Variants in NSUN4 observed in about 807,000 individuals in gnomAD.
NSUN4 encodes the protein 5-cytosine rRNA methyltransferase NSUN4.
NSUN4 carries 31 observed loss-of-function variants against 43.8 expected under a neutral mutation model. The ratio of observed to expected loss-of-function variants is 0.71; its 90% CI spans 0.53 to 0.96. The LOEUF is 0.96. NSUN4 is among the 40% of genes least tolerant of loss of function. NSUN4 has a pLI of 0.00. For synonymous variants in NSUN4, 167 were observed against 184.1 expected, an observed-to-expected ratio of 0.91 and a Z score of 0.75; for missense variants, 439 against 475.6, an observed-to-expected ratio of 0.92 and a Z score of 0.72.
At chr1:46,342,552 A>C (rs56909107) in intron 1 of NSUN4, 94,508 of 399,104 alleles carry the variant, frequency 0.24, 12,692 homozygotes, top group Non-Finnish European at 0.29. Context: ...CTGGGAGGCA[A>C]CTGGGAACTC....
downstream of NSUN4, among the ~76,000 whole-genome samples, chr1:46,365,521 T>C (rs1054894398): frequency 2.0e-5 from 3 of 152,070 alleles, no homozygotes; most frequent in Admixed American, 2.0e-4. Context: ...TTTGTATTTT[T>C]AGTAGAAACG....
At chr1:46,370,101 T>C (rs1386154606), downstream of NSUN4, among the ~76,000 whole-genome samples, 1 of 151,994 alleles carries the variant, frequency 6.6e-6, no homozygotes, top group African/African-American at 2.4e-5. Flanking sequence ...CTGAAGAGGG[T>C]GACTGGGATG....
the NSUN4 span, among the ~76,000 whole-genome samples, chr1:46,384,710 G>C: frequency 6.6e-6 from 1 of 152,074 alleles, no homozygotes; most frequent in Admixed American, 6.6e-5. Context: ...AATGGCACTT[G>C]CTTGACTCAG....
the NSUN4 span, among the ~76,000 whole-genome samples, chr1:46,374,566 G>A: frequency 0.045 from 6,900 of 152,006 alleles, 535 homozygotes; most frequent in African/African-American, 0.16. Context: ...CTGAGAGGGC[G>A]CCACTGCACT....
intron 3 of NSUN4, among the ~76,000 whole-genome samples, chr1:46,348,455 A>G (rs1240963141): frequency 3.9e-5 from 6 of 152,026 alleles, no homozygotes; most frequent in Non-Finnish European, 1.5e-5. Flanking sequence ...GCTCACGCCT[A>G]TAATTCCAGC....
chr1:46,341,869 C>T lies in NSUN4; in HGVS notation c.93+950C>T, dbSNP rs1662135530. The stretch of plus-strand genomic sequence containing the variant: ...ATGCGGCGTCCCTGTCTTCAAGGCA[C>T]GTACTGTGACCAGCACACTAATCTC... On this transcript the variant is annotated intron_variant, in intron 1 of 5. Transcript: ENST00000474844. The T allele has an allele frequency of 5.7e-6, 7 of 1,232,798 alleles. 1 individual carries two copies. The highest frequency in any genetic ancestry group is 8.2e-5 in the South Asian group (2 of 24,334). 76.4% of individuals were successfully genotyped at this position (1,232,798 alleles called of 1,614,324 possible).
At chr1:46,366,830 A>G (rs1016606242), downstream of NSUN4, among the ~76,000 whole-genome samples, 3 of 151,674 alleles carry the variant, frequency 2.0e-5, no homozygotes, top group African/African-American at 7.3e-5. Context: ...GTATTGCCTC[A>G]GTCTTGTTCA....
chr1:46,359,761 C>T (rs56063031), intron 4 of NSUN4, among the ~76,000 whole-genome samples: 34,124 of 151,814 alleles, frequency 0.22, 4,297 homozygotes, highest in Non-Finnish European at 0.29. Context: ...CATGCCACCA[C>T]GCCCGGCTAA....
chr1:46,341,215 C>A lies in NSUN4; in HGVS notation c.93+296C>A, dbSNP rs559362896. ...GTCTCTTGTTCCCCAGCTGTGTCCA[C>A]CTACCTTTCTGTCCCCCACTCCCCC... On this transcript the variant is annotated intron_variant, in intron 1 of 5. Transcript: ENST00000474844. The A allele has an allele frequency of 7.0e-6, 8 of 1,141,330 alleles. No homozygotes were observed. In the East Asian group the frequency reaches 3.0e-4, roughly 43 times the overall value. The allele number at this position is 1,141,330 out of a possible 1,614,324, so 70.7% of individuals were successfully genotyped here. A position where few individuals can be genotyped will look rare whatever the true frequency, so the allele number is the denominator to read the frequency against.
intron 3 of NSUN4, among the ~76,000 whole-genome samples, chr1:46,349,147 T>G (rs1200862224): frequency 1.5e-5 from 2 of 135,596 alleles, no homozygotes; most frequent in Non-Finnish European, 3.4e-5. Context: ...TTTTTTTGTT[T>G]TTTTTTTTTT....
At chr1:46,375,178 G>A in the NSUN4 span, among the ~76,000 whole-genome samples, 3 of 152,120 alleles carry the variant, frequency 2.0e-5, no homozygotes, top group Non-Finnish European at 4.4e-5. Flanking sequence ...GCTCATGCCC[G>A]TAATCCCAAC....
intron 2 of NSUN4, among the ~76,000 whole-genome samples, chr1:46,346,142 C>A (rs1413642204): frequency 1.5e-5 from 2 of 130,170 alleles, no homozygotes; most frequent in Non-Finnish European, 1.6e-5. Flanking sequence ...CAGAGCGAGA[C>A]TCTGTCTCAA....
At chr1:46,341,436 G>C (rs1662096666) in intron 1 of NSUN4, 1 of 1,008,602 alleles carries the variant, frequency 9.9e-7, no homozygotes, top group Non-Finnish European at 1.2e-6. Flanking sequence ...GCTGCCTCTG[G>C]CGACCGGGCA....
At chr1:46,358,419 T>TTTG (rs1663552430) in intron 4 of NSUN4, among the ~76,000 whole-genome samples, 2 of 110,306 alleles carry the variant, frequency 1.8e-5, no homozygotes, top group Non-Finnish European at 1.9e-5. Flanking sequence ...TTTTTTTTTT[T>TTTG]TGAGATGGAG....
chr1:46,341,182 A>ATGTCAC, intron 1 of NSUN4: 1 of 1,236,030 alleles, frequency 8.1e-7, no homozygotes, highest in Non-Finnish European at 1.0e-6. Context: ...TCTTTTAGTG[A>ATGTCAC]TGTCACTGTC....
At chr1:46,379,830 A>G in the NSUN4 span, among the ~76,000 whole-genome samples, 1 of 152,240 alleles carries the variant, frequency 6.6e-6, no homozygotes, top group Non-Finnish European at 1.5e-5. Flanking sequence ...AGAAGGGAAA[A>G]GGGGCTGTGA....
At position 46,361,632 on chromosome 1, in the gene NSUN4, A is replaced by T; in HGVS notation, c.941A>T (p.His314Leu). The change falls in exon 6 of 6, where the codon CAC becomes CTC. Residue 314 changes from histidine to leucine, a missense_variant. By Grantham distance (99) the His-to-Leu change is moderately conservative. Transcript: ENST00000474844. Reference protein sequence around the residue: ...HVVYSTCSLSHLQNEYVVQGA... With the variant: ...HVVYSTCSLSLLQNEYVVQGA... ...GTCTATTCTACCTGCTCACTCTCAC[A>T]CTTACAGAACGAGTATGTGGTGCAA... is the stretch of plus-strand genomic sequence containing the variant. The T allele has an allele frequency of 6.2e-7, 1 of 1,614,098 alleles. No individual in the cohort carries two copies. The highest frequency in any genetic ancestry group is 8.5e-7 in the Non-Finnish European group (1 of 1,180,002).
At chr1:46,377,949 T>C in the NSUN4 span, among the ~76,000 whole-genome samples, 1 of 152,168 alleles carries the variant, frequency 6.6e-6, no homozygotes, top group African/African-American at 2.4e-5. Flanking sequence ...GGAAAACAGA[T>C]TTAAGGTGAG....
intron 1 of NSUN4, among the ~76,000 whole-genome samples, chr1:46,344,467 CT>C (rs571452405): frequency 9.1e-4 from 139 of 152,300 alleles, no homozygotes; most frequent in Non-Finnish European, 1.9e-3. Flanking sequence ...TTCCCAGAGC[CT>C]CCATAGTTTC....
Sources: allele counts gnomAD v4.1 joint callset (sites outside exome capture counted in the v4.1 genomes callset), GRCh38; gene constraint gnomAD v4.1.1; transcripts MANE v1.5; gene names NCBI Gene and HGNC (gene_info 2026-07-23, HGNC 2026-07-21).